The following ABR variants were observed in gnomAD, a reference collection of about 807,000 sequenced individuals.
The protein encoded by ABR is active breakpoint cluster region-related protein.
In ABR, 35 loss-of-function variants were observed where a neutral mutation model predicts 107.2. The observed-to-expected ratio is 0.33, with a 90% CI of 0.25 to 0.43. The LOEUF (loss-of-function observed/expected upper bound fraction) is 0.43, where lower values mean the gene tolerates loss of function less well. ABR is among the 20% of genes least tolerant of loss of function. The pLI, the probability that ABR is intolerant of heterozygous loss-of-function variation, is 1.00. For synonymous variants in ABR, 498 were observed against 462.0 expected, an observed-to-expected ratio of 1.08 and a Z score of -1.00; for missense variants, 815 against 1,115.2, an observed-to-expected ratio of 0.73 and a Z score of 3.83.
chr17:1,032,621 AGAGGACGCCACGGGCAACCACCCGTG>A lies in ABR; in HGVS notation c.1791+17403_1791+17428del, dbSNP rs1295545608. Among the ~76,000 whole-genome samples, 191 of 82,150 alleles carry A rather than the reference AGAGGACGCCACGGGCAACCACCCGTG, an allele frequency of 2.3e-3. 3 individuals carry two copies. The highest frequency in any genetic ancestry group is 7.1e-3 in the African/African-American group (178 of 25,016). The allele number at this position is 82,150 out of a possible 152,430, so 53.9% of individuals were successfully genotyped here. ...AACCACCCGCGTCCGTGCTGGGCGCAGAGGACGCCACGGGCAACCACCCGTGTCCGTGCTGGGCGCCTTGAGAGAGA... is the reference window on the plus strand; with the variant it reads ...AACCACCCGCGTCCGTGCTGGGCGCATCCGTGCTGGGCGCCTTGAGAGAGA... On this transcript the variant is annotated intron_variant, in intron 16 of 22. Coordinates refer to ENST00000302538, the MANE Select transcript of ABR (RefSeq NM_021962.5).
intron 1 of ABR, among the ~76,000 whole-genome samples, chr17:1,146,774 ACCAGGCCACCACTGCCAC>A (rs1166723176): frequency 1.2e-5 from 1 of 86,038 alleles, no homozygotes; most frequent in Non-Finnish European, 2.5e-5. Flanking sequence ...CACCACTGCC[ACCAGGCCACCACTGCCAC>A]CATGCCACCA....
At position 1,101,797 on chromosome 17, in the gene ABR, G is replaced by A. The variant is rs912614541; in HGVS notation, c.247-1062C>T. On this transcript the variant is annotated intron_variant, in intron 2 of 22. Coordinates refer to ENST00000302538, the MANE Select transcript of ABR (RefSeq NM_021962.5). Reference sequence around the variant, plus strand: ...CGCCCAGGCTAGAGTGCAGTGGCGCGATCTCGGCTCACTGCAAGCTCCGCC... The same window carrying A: ...CGCCCAGGCTAGAGTGCAGTGGCGCAATCTCGGCTCACTGCAAGCTCCGCC... Among the ~76,000 whole-genome samples the A allele has an allele frequency of 7.3e-5, 11 of 150,592 alleles. No homozygotes were observed. In the South Asian group the frequency reaches 1.5e-3, roughly 20 times the overall value.
At chr17:1,062,014 G>T (rs1240181884) in intron 10 of ABR, among the ~76,000 whole-genome samples, 1 of 152,220 alleles carries the variant, frequency 6.6e-6, no homozygotes, top group Non-Finnish European at 1.5e-5. Flanking sequence ...ACAGGATCTG[G>T]GGACAGGGCA....
chr17:1,197,090 G>T (rs763856175), intron 1 of ABR, among the ~76,000 whole-genome samples: 1 of 151,480 alleles, frequency 6.6e-6, no homozygotes. Flanking sequence ...CTGGACAGAC[G>T]CATCCTGCAA....
At chr17:1,083,666 G>T in intron 4 of ABR, 39 bp from the exon 5 acceptor site, 1 of 1,478,264 alleles carries the variant, frequency 6.8e-7, no homozygotes, top group Non-Finnish European at 9.5e-7. Context: ...AGAGGAGGGT[G>T]GGAGGGGAGA....
chr17:1,073,696 A>G lies in ABR; in HGVS notation c.701-19T>C. On this transcript the variant is annotated intron_variant, in intron 6 of 22. Coordinates refer to ENST00000302538, the MANE Select transcript of ABR (RefSeq NM_021962.5). ...AGCAGAGCTGTCGGGGGAGACAGGG[A>G]GAAGGAGGAAGAGGATGATGGACGA... 6.3e-7 allele frequency: 1 copy of G among 1,594,082 alleles called. No individual in the cohort carries two copies. The highest frequency in any genetic ancestry group is 8.6e-7 in the Non-Finnish European group (1 of 1,168,736).
intron 2 of ABR, among the ~76,000 whole-genome samples, chr17:1,111,204 C>T (rs889827198): frequency 3.9e-5 from 6 of 152,114 alleles, no homozygotes; most frequent in African/African-American, 1.4e-4. Context: ...CCAGGATATC[C>T]TCGTCCCCGT....
intron 1 of ABR, among the ~76,000 whole-genome samples, chr17:1,173,878 G>A (rs974203652): frequency 2.0e-5 from 3 of 152,182 alleles, no homozygotes; most frequent in South Asian, 2.1e-4. Context: ...AGGCTTTCCC[G>A]GATGAGGAGC....
At chr17:1,080,399 C>T (rs1205219361) in intron 5 of ABR, among the ~76,000 whole-genome samples, 5 of 152,192 alleles carry the variant, frequency 3.3e-5, no homozygotes, top group South Asian at 2.1e-4. Flanking sequence ...CCTTTAGAGA[C>T]GTTCCAGCCC....
intron 1 of ABR, among the ~76,000 whole-genome samples, chr17:1,151,106 C>T (rs554945430): frequency 6.6e-6 from 1 of 152,270 alleles, no homozygotes; most frequent in Non-Finnish European, 1.5e-5. Flanking sequence ...CCTCTCTGTG[C>T]CTCTGTTTTA....
At position 1,024,024 on chromosome 17, in the gene ABR, C is replaced by CAA. The variant is rs11334940; in HGVS notation, c.1792-10862_1792-10861dup. Among the ~76,000 whole-genome samples, 127 of 47,634 alleles carry CAA rather than the reference C, an allele frequency of 2.7e-3. 2 individuals are homozygous for CAA. Among genetic ancestry groups the CAA allele is most frequent in the African/African-American group, 5.4e-3 (70 of 12,998 alleles). 31.2% of individuals were successfully genotyped at this position (47,634 alleles called of 152,430 possible). A position where few individuals can be genotyped will look rare whatever the true frequency, so the allele number is the denominator to read the frequency against. On this transcript the variant is annotated intron_variant, in intron 16 of 22. Coordinates refer to ENST00000302538, the MANE Select transcript of ABR (RefSeq NM_021962.5). ...TGGGCGACAGAGCGAGACTCCATCT[C>CAA]AAAAAAAAAAAAAAAAAAAAAAAAA...
intron 1 of ABR, among the ~76,000 whole-genome samples, chr17:1,175,373 C>G (rs1193802352): frequency 6.6e-6 from 1 of 152,208 alleles, no homozygotes; most frequent in Non-Finnish European, 1.5e-5. Flanking sequence ...GATCGCACCG[C>G]CGCACTCCAG....
chr17:1,016,952 G>A lies in ABR; in HGVS notation c.1792-3788C>T, dbSNP rs189071277. 7.9e-5 allele frequency among the ~76,000 whole-genome samples: 12 copies of A among 152,212 alleles called. No individual in the cohort carries two copies. The South Asian group carries it at 8.3e-4, about 11-fold the overall frequency. ...GTCAGCCTTGGGCTTCCTGCAGCTC[G>A]ATGTAGGTCCTTCCCACATCTATCA... On this transcript the variant is annotated intron_variant, in intron 16 of 22. Coordinates refer to ENST00000302538, the MANE Select transcript of ABR (RefSeq NM_021962.5).
intron 1 of ABR, among the ~76,000 whole-genome samples, chr17:1,195,303 T>TGAAAAAAAAAA (rs1893400026): frequency 3.0e-5 from 3 of 99,228 alleles, no homozygotes; most frequent in East Asian, 5.6e-4. Context: ...TGAGACTGTC[T>TGAAAAAAAAAA]CAAAAAAAAA....
chr17:1,053,779 C>T (rs925676340), intron 14 of ABR, among the ~76,000 whole-genome samples: 2 of 152,092 alleles, frequency 1.3e-5, no homozygotes, highest in Non-Finnish European at 2.9e-5. Flanking sequence ...CTCCCTGAGG[C>T]GAGGACCTCC....
At chr17:1,140,185 A>G (rs1035348380) in intron 1 of ABR, among the ~76,000 whole-genome samples, 1 of 152,182 alleles carries the variant, frequency 6.6e-6, no homozygotes, top group African/African-American at 2.4e-5. Context: ...CCAAGGGCAA[A>G]GTCTGGCGAT....
chr17:1,185,101 A>C (rs2042246215), intron 1 of ABR: 1 of 152,212 alleles, frequency 6.6e-6, no homozygotes. Flanking sequence ...GGGAGGAAGA[A>C]ATCGGAGCTA....
chr17:1,204,228 T>C (rs1490166705), intron 1 of ABR, among the ~76,000 whole-genome samples: 1 of 152,204 alleles, frequency 6.6e-6, no homozygotes, highest in African/African-American at 2.4e-5. Context: ...GCGGATCACC[T>C]GAGGTTGGGA....
intron 3 of ABR, among the ~76,000 whole-genome samples, chr17:1,095,529 C>T (rs2257666): frequency 0.78 from 119,067 of 152,046 alleles, 46,692 homozygotes; most frequent in East Asian, 0.9. Flanking sequence ...CACTGAGCTT[C>T]GGCACGGCAC....
Sources: allele counts gnomAD v4.1 joint callset (sites outside exome capture counted in the v4.1 genomes callset), GRCh38; gene constraint gnomAD v4.1.1; transcripts MANE v1.5; gene names NCBI Gene and HGNC (gene_info 2026-07-23, HGNC 2026-07-21).